The following TRANK1 variants were observed in gnomAD, a reference collection of about 807,000 sequenced individuals.
TRANK1 encodes tetratricopeptide repeat and ankyrin repeat containing 1.
TRANK1 carries 198 observed loss-of-function variants against 266.0 expected under a neutral mutation model. The ratio of observed to expected loss-of-function variants is 0.74; its 90% CI spans 0.66 to 0.84. The LOEUF is 0.84. Ranked by LOEUF, TRANK1 falls within the 40% of genes least tolerant of loss-of-function variation. TRANK1 has a pLI of 0.00. For synonymous variants in TRANK1, 1,396 were observed against 1,384.1 expected (o/e 1.01, Z -0.19); for missense variants, 3,326 against 3,634.6 (o/e 0.92, Z 2.18).
intron 1 of TRANK1, among the ~76,000 whole-genome samples, chr3:36,938,103 G>A (rs2080447256): frequency 6.6e-6 from 1 of 152,230 alleles, no homozygotes; most frequent in African/African-American, 2.4e-5. Context: ...GTGTCCAGGA[G>A]CTCCCCGTAG....
intron 20 of TRANK1, among the ~76,000 whole-genome samples, chr3:36,835,960 A>T (rs570067444): frequency 1.3e-5 from 2 of 152,372 alleles, no homozygotes; most frequent in African/African-American, 4.8e-5. Flanking sequence ...TAGGCAAAGG[A>T]TATAAGCTGG....
Position 36,860,905 on chromosome 3 carries a change from C to T in TRANK1, c.1495+1G>A, listed in dbSNP as rs1302121263. 2.1e-5 allele frequency: 32 copies of T among 1,537,302 alleles called. No homozygotes were observed. Among genetic ancestry groups the T allele is most frequent in the Non-Finnish European group, 2.6e-5 (30 of 1,146,896 alleles). On this transcript the variant is annotated splice_donor_variant, in intron 11 of 23. Transcript: ENST00000645898. LOFTEE classifies it high-confidence loss of function. ...AACGCTTAGCATCCAGTCACTCTCA[C>T]CTCCACTGTCTATCAGGCAGCCCAG...
chr3:36,851,504 G>C, intron 15 of TRANK1: 1 of 1,251,802 alleles, frequency 8.0e-7, no homozygotes, highest in Admixed American at 3.8e-5. Context: ...GGCACAGGGG[G>C]AACTAGCCCA....
intron 15 of TRANK1, chr3:36,851,139 C>G: frequency 1.0e-6 from 1 of 985,678 alleles, no homozygotes; most frequent in Non-Finnish European, 1.2e-6. Context: ...ATACAGAGGT[C>G]ACTGGGGGTC....
chr3:36,831,224 T>C lies in TRANK1; in HGVS notation c.8359A>G (p.Ser2787Gly), dbSNP rs1559411462. 6.2e-7 allele frequency: 1 copy of C among 1,613,848 alleles called. No homozygotes were observed. Among genetic ancestry groups the C allele is most frequent in the South Asian group, 1.1e-5 (1 of 91,078 alleles). ...GAAGCTGCCCCCTCAAACGCTTTGC[T>C]GGGGCTGAAATAGTTCTCTGGGCCA... ...TRGPENYFSPSKAFEGAASEV... is the reference protein window; with the variant it reads ...TRGPENYFSPGKAFEGAASEV... Residue 2787 changes from serine (S) to glycine (G), a missense_variant, in exon 22 of 24, where the codon AGC (serine) becomes GGC (glycine). Coordinates refer to ENST00000645898, the MANE Select transcript of TRANK1 (RefSeq NM_001329998.2). The surrounding 1 kb of genome is among the most constrained non-coding windows in gnomAD (Gnocchi z 5.0).
intron 8 of TRANK1, among the ~76,000 whole-genome samples, chr3:36,879,696 AAATATAAATATAAAT>A (rs2079456990): frequency 9.9e-6 from 1 of 101,426 alleles, no homozygotes; most frequent in African/African-American, 4.7e-5. Context: ...ATAAATATAT[AAATATAAATATAAAT>A]ATATAAATAT....
intron 1 of TRANK1, 105 bp downstream of exon 1, chr3:36,944,682 G>A (rs529752472): frequency 8.1e-6 from 11 of 1,356,594 alleles, no homozygotes; most frequent in African/African-American, 4.6e-5. Flanking sequence ...CCGTTCGGCC[G>A]CTACCTCAGG....
At position 36,827,552 on chromosome 3, in the gene TRANK1, C is replaced by A. The variant is rs911542224; in HGVS notation, c.*723G>T. ...AATGCTCCCAGCAACATTCCCCAGC[C>A]TTTCCCCCTAGGGAAGGGACATCCA... On this transcript the variant is annotated 3_prime_UTR_variant, in exon 24 of 24. Transcript: ENST00000645898. 2.6e-5 allele frequency: 4 copies of A among 152,282 alleles called. No homozygotes were observed. The highest frequency in any genetic ancestry group is 5.9e-5 in the Non-Finnish European group (4 of 68,056). The allele number at this position is 152,282 out of a possible 1,614,324, so 9.4% of individuals were successfully genotyped here.
intron 1 of TRANK1, among the ~76,000 whole-genome samples, chr3:36,940,045 C>T (rs2080474990): frequency 6.6e-6 from 1 of 151,942 alleles, no homozygotes; most frequent in Non-Finnish European, 1.5e-5. Flanking sequence ...TGTGCACCAC[C>T]ATGCCTGGCT....
At chr3:36,908,546 C>T (rs979163382) in intron 1 of TRANK1, 92 bp from the exon 2 acceptor site, 123 of 1,231,268 alleles carry the variant, frequency 1.0e-4, no homozygotes, top group Non-Finnish European at 1.2e-4. Context: ...AGAAGGAGTT[C>T]GCTCACTATG....
intron 3 of TRANK1, among the ~76,000 whole-genome samples, chr3:36,901,785 T>C (rs997025912): frequency 1.3e-5 from 2 of 152,146 alleles, no homozygotes; most frequent in African/African-American, 4.8e-5. Flanking sequence ...TGGCCCTGGT[T>C]GCTGTGCTGT....
At chr3:36,862,474 C>T (rs931792412) in intron 10 of TRANK1, among the ~76,000 whole-genome samples, 5 of 152,114 alleles carry the variant, frequency 3.3e-5, no homozygotes, top group Non-Finnish European at 5.9e-5. Context: ...CTATTTAAAT[C>T]GGCATTTGCA....
intron 9 of TRANK1, among the ~76,000 whole-genome samples, chr3:36,865,271 T>G (rs1053356224): frequency 6.6e-6 from 1 of 151,914 alleles, no homozygotes; most frequent in African/African-American, 2.4e-5. Flanking sequence ...CATAATCCAC[T>G]CGCCTCAGCC....
At chr3:36,938,831 G>A (rs1309338277) in intron 1 of TRANK1, among the ~76,000 whole-genome samples, 6 of 151,896 alleles carry the variant, frequency 4.0e-5, no homozygotes, top group South Asian at 2.1e-4. Flanking sequence ...GTGGTGGCGC[G>A]TGCCTATAGT....
At chr3:36,893,923 G>A (rs986900537) in intron 5 of TRANK1, among the ~76,000 whole-genome samples, 1 of 146,426 alleles carries the variant, frequency 6.8e-6, no homozygotes, top group Non-Finnish European at 1.5e-5. Flanking sequence ...CACTCTTGTT[G>A]CCCTGGCTAG....
At chr3:36,900,595 G>C (rs1332875039) in intron 3 of TRANK1, among the ~76,000 whole-genome samples, 1 of 151,992 alleles carries the variant, frequency 6.6e-6, no homozygotes, top group Non-Finnish European at 1.5e-5. Flanking sequence ...ATAACAGAAA[G>C]CCGGGTGTAG....
At chr3:36,902,710 C>A (rs550749628) in intron 3 of TRANK1, among the ~76,000 whole-genome samples, 61 of 152,358 alleles carry the variant, frequency 4.0e-4, no homozygotes, top group African/African-American at 1.4e-3. Context: ...ACCCACCCAG[C>A]TTGCATTTGA....
Position 36,892,215 on chromosome 3 carries a change from G to A in TRANK1, c.762C>T (p.Leu254=). ...GPYPLHALMR[L]CIQARENHLF... ...GAGAAGACTCACTGGCTTGGATACA[G>A]AGTCGCATGAGGGCATGAAGGGGAT... is the stretch of plus-strand genomic sequence containing the variant. Residue 254 remains leucine (L), a synonymous_variant, in exon 7 of 24, where the codon CTC becomes CTT. Transcript: ENST00000645898. 1.3e-6 allele frequency: 2 copies of A among 1,537,040 alleles called. No homozygotes were observed. Among genetic ancestry groups the A allele is most frequent in the Non-Finnish European group, 1.7e-6 (2 of 1,146,794 alleles).
At chr3:36,880,287 C>G in intron 8 of TRANK1, 2 of 377,274 alleles carry the variant, frequency 5.3e-6, no homozygotes, top group Admixed American at 5.6e-5. Flanking sequence ...CAAGTTGGCC[C>G]CATTTGAGTC....
Sources: gnomAD v4.1 joint callset for allele counts (sites outside exome capture counted in the v4.1 genomes callset) on GRCh38, gnomAD v4.1.1 for gene constraint, Gnocchi (gnomAD v3.1) non-coding constraint, MANE v1.5 for transcripts, NCBI Gene and HGNC (gene_info 2026-07-23, HGNC 2026-07-21) for gene names.